The following FIG4 variants were observed in gnomAD, a reference collection of about 807,000 sequenced individuals.
The protein encoded by FIG4 is polyphosphoinositide phosphatase.
A neutral mutation model predicts 118.6 loss-of-function variants in FIG4; 112 were observed. The ratio of observed to expected loss-of-function variants is 0.94; its 90% CI spans 0.81 to 1.11. FIG4 has a LOEUF of 1.11. Ranked by LOEUF, FIG4 falls within the 50% of genes least tolerant of loss-of-function variation. The pLI, the probability that FIG4 is intolerant of heterozygous loss-of-function variation, is 0.00. For synonymous variants in FIG4, 369 were observed against 381.2 expected, an observed-to-expected ratio of 0.97 and a Z score of 0.37; for missense variants, 969 against 1,111.7, an observed-to-expected ratio of 0.87 and a Z score of 1.83.
chr6:109,793,670 G>A (rs993450657), intron 21 of FIG4, among the ~76,000 whole-genome samples: 3 of 152,146 alleles, frequency 2.0e-5, no homozygotes, highest in Admixed American at 1.3e-4. Context: ...AATATAAAAT[G>A]AGCACTGATC....
At chr6:109,732,536 T>C in intron 4 of FIG4, 101 bp from the exon 5 acceptor site, 1 of 710,486 alleles carries the variant, frequency 1.4e-6, no homozygotes, top group Non-Finnish European at 2.5e-6. Flanking sequence ...TCAGCTTTAA[T>C]GAGCATATTT....
chr6:109,752,556 T>C (rs1425170373), intron 10 of FIG4, among the ~76,000 whole-genome samples: 2 of 152,222 alleles, frequency 1.3e-5, no homozygotes, highest in African/African-American at 2.4e-5. Flanking sequence ...TGGTATCTCA[T>C]TGTGGTTTTG....
intron 15 of FIG4, among the ~76,000 whole-genome samples, chr6:109,776,319 C>G (rs1285341807): frequency 6.6e-6 from 1 of 152,214 alleles, no homozygotes; most frequent in Non-Finnish European, 1.5e-5. Context: ...CATGTGCCTT[C>G]TTTGCCTTCA....
At chr6:109,778,816 G>A (rs984892781) in intron 16 of FIG4, among the ~76,000 whole-genome samples, 4 of 152,102 alleles carry the variant, frequency 2.6e-5, no homozygotes, top group African/African-American at 7.2e-5. Flanking sequence ...AGCTAGGGTG[G>A]TCTTGATCTC....
rs552856153 is a variant in FIG4 at position 109,691,477 on chromosome 6, G to C, written c.42G>C (p.Lys14Asn). 3 of 1,585,298 alleles carry C rather than the reference G, an allele frequency of 1.9e-6. No homozygotes were observed. In the African/African-American group the frequency reaches 4.0e-5, roughly 21 times the overall value. ...AAAPIISSVQ[K>N]LVLYETRARY... ...CCCCCATCATCAGCTCGGTCCAGAA[G>C]CTGGTTCTGTATGAGACTAGAGCTG... Residue 14 changes from lysine (K) to asparagine (N), a missense_variant, in exon 1 of 23, where the codon AAG (lysine) becomes AAC (asparagine). Physicochemically the swap from Lys to Asn is moderately conservative, Grantham distance 94 (BLOSUM62 0). Around this residue, in one of 3 missense-constraint regions of FIG4, gnomAD observed 393 missense variants for 409.4 expected, o/e 0.96. Coordinates refer to ENST00000230124, the MANE Select transcript of FIG4 (RefSeq NM_014845.6).
intron 16 of FIG4, among the ~76,000 whole-genome samples, chr6:109,778,924 G>C (rs978345611): frequency 6.6e-6 from 1 of 152,066 alleles, no homozygotes; most frequent in African/African-American, 2.4e-5. Context: ...TAAGTTCTGT[G>C]TTGCTTCAGG....
chr6:109,770,910 A>T (rs1777439155), intron 15 of FIG4, among the ~76,000 whole-genome samples: 1 of 152,148 alleles, frequency 6.6e-6, no homozygotes, highest in Non-Finnish European at 1.5e-5. Context: ...ATCCCAGAAG[A>T]TGGTGCTGAG....
At chr6:109,717,077 C>T (rs1200746461) in intron 3 of FIG4, among the ~76,000 whole-genome samples, 1 of 149,650 alleles carries the variant, frequency 6.7e-6, no homozygotes, top group Non-Finnish European at 1.5e-5. Flanking sequence ...AGAAACTTCA[C>T]TGTTTGAAAT....
chr6:109,736,518 G>A (rs2128385872), intron 6 of FIG4, among the ~76,000 whole-genome samples: 1 of 152,180 alleles, frequency 6.6e-6, no homozygotes. Context: ...AAGACAACTG[G>A]TGTGTTTGAA....
chr6:109,763,804 C>T (rs1777185036), intron 12 of FIG4, 133 bp from the exon 13 acceptor site: 1 of 693,988 alleles, frequency 1.4e-6, no homozygotes, highest in African/African-American at 1.8e-5. Flanking sequence ...TGAGAGTAGG[C>T]AGGATCAGCT....
Position 109,732,696 on chromosome 6 carries a change from G to A in FIG4, c.497+9G>A, listed in dbSNP as rs759409330. 6.5e-6 allele frequency: 10 copies of A among 1,532,114 alleles called. No homozygotes were observed. Among genetic ancestry groups the A allele is most frequent in the South Asian group, 1.1e-5 (1 of 89,432 alleles). 94.9% of individuals were successfully genotyped at this position (1,532,114 alleles called of 1,614,324 possible). A position where few individuals can be genotyped will look rare whatever the true frequency, so the allele number is the denominator to read the frequency against. On this transcript the variant is annotated intron_variant, in intron 5 of 22. Transcript: ENST00000230124. Reference sequence around the variant, plus strand: ...AGCAATTTTTACTTTAGGTAAGTGTGAGGTTAGTTTTGCTCCTATCAATCA... The same window carrying A: ...AGCAATTTTTACTTTAGGTAAGTGTAAGGTTAGTTTTGCTCCTATCAATCA...
At chr6:109,788,076 T>C (rs1465874501) in intron 18 of FIG4, among the ~76,000 whole-genome samples, 1 of 152,166 alleles carries the variant, frequency 6.6e-6, no homozygotes, top group Non-Finnish European at 1.5e-5. Context: ...TGCACAACCA[T>C]AAGCTAATGT....
chr6:109,768,789 A>C (rs4945838), intron 15 of FIG4, among the ~76,000 whole-genome samples: 121,213 of 152,074 alleles, frequency 0.8, 48,507 homozygotes, highest in African/African-American at 0.89. Flanking sequence ...CCTGCCCACA[A>C]ACACGGGGGA....
chr6:109,739,977 A>G lies in FIG4; in HGVS notation c.776-1467A>G, dbSNP rs561283861. 5.3e-5 allele frequency among the ~76,000 whole-genome samples: 8 copies of G among 152,292 alleles called. No homozygotes were observed. In the South Asian group the frequency reaches 1.7e-3, roughly 32 times the overall value. The stretch of plus-strand genomic sequence containing the variant: ...TTTGAAATGAAGATCAGTGAGATTT[A>G]TGTGCTACACTTGAAAATCAGGCTC... On this transcript the variant is annotated intron_variant, in intron 7 of 22. Coordinates refer to ENST00000230124, the MANE Select transcript of FIG4 (RefSeq NM_014845.6).
chr6:109,798,695 A>G (rs1778351505), intron 22 of FIG4, among the ~76,000 whole-genome samples: 1 of 152,236 alleles, frequency 6.6e-6, no homozygotes, highest in Non-Finnish European at 1.5e-5. Context: ...AAAACCTGCA[A>G]GGGAAACAGA....
At chr6:109,737,003 G>A (rs1776178605) in intron 6 of FIG4, among the ~76,000 whole-genome samples, 1 of 152,024 alleles carries the variant, frequency 6.6e-6, no homozygotes, top group Non-Finnish European at 1.5e-5. Context: ...GACTTACAAG[G>A]ACCCTGTGAT....
intron 22 of FIG4, among the ~76,000 whole-genome samples, chr6:109,807,303 T>C (rs1415798352): frequency 2.0e-5 from 3 of 152,256 alleles, no homozygotes; most frequent in African/African-American, 7.2e-5. Context: ...ATCACCATTC[T>C]AACTGGCATG....
chr6:109,778,162 C>T (rs545248968), intron 16 of FIG4, among the ~76,000 whole-genome samples: 7 of 152,052 alleles, frequency 4.6e-5, no homozygotes, highest in South Asian at 2.1e-4. Context: ...CCTAATTTTG[C>T]GCAAAGATAC....
chr6:109,733,986 A>T (rs1158020590), intron 5 of FIG4, among the ~76,000 whole-genome samples: 1 of 151,998 alleles, frequency 6.6e-6, no homozygotes, highest in East Asian at 1.9e-4. Flanking sequence ...GAAAAAAGGA[A>T]TTGTTTTAAA....
Sources: allele counts gnomAD v4.1 joint callset (sites outside exome capture counted in the v4.1 genomes callset), GRCh38; gene constraint gnomAD v4.1.1; regional missense constraint gnomAD v4.1.1; transcripts MANE v1.5; gene names NCBI Gene and HGNC (gene_info 2026-07-23, HGNC 2026-07-21).